Variants in ABCB5 observed in about 807,000 individuals in gnomAD.
ABCB5 encodes ATP-binding cassette sub-family B member 5.
Under a neutral mutation model 144.2 loss-of-function variants are expected in ABCB5, and 155 were observed. The observed-to-expected ratio is 1.08, with a 90% CI of 0.94 to 1.23. ABCB5 has a LOEUF of 1.23. Ranked by LOEUF, ABCB5 falls within the 50% of genes most tolerant of loss-of-function variation. The pLI, the probability that ABCB5 is intolerant of heterozygous loss-of-function variation, is 0.00. For missense variants in ABCB5, 1,830 were observed against 1,520.8 expected (o/e 1.20, Z -3.38); for synonymous variants, 610 against 528.6 (o/e 1.15, Z -2.11).
intron 16 of ABCB5, among the ~76,000 whole-genome samples, chr7:20,690,884 A>G (rs1786198074): frequency 6.6e-6 from 1 of 152,180 alleles, no homozygotes; most frequent in Non-Finnish European, 1.5e-5. Context: ...GGAAGAGATC[A>G]TTTTTGTTAA....
intron 13 of ABCB5, among the ~76,000 whole-genome samples, chr7:20,654,452 T>C (rs931751050): frequency 6.6e-6 from 1 of 151,954 alleles, no homozygotes; most frequent in Non-Finnish European, 1.5e-5. Flanking sequence ...AACAAGCAGG[T>C]GGAATATCAG....
chr7:20,622,056 T>C (rs73684571), intron 1 of ABCB5, among the ~76,000 whole-genome samples: 7,803 of 152,214 alleles, frequency 0.051, 581 homozygotes, highest in African/African-American at 0.16. Flanking sequence ...AGTTACAGCA[T>C]GATCAGAAGA....
chr7:20,676,612 G>T (rs1785621545), intron 14 of ABCB5, among the ~76,000 whole-genome samples: 1 of 152,160 alleles, frequency 6.6e-6, no homozygotes, highest in African/African-American at 2.4e-5. Flanking sequence ...ACAGGGAATT[G>T]CTGTTCAGTG....
intron 12 of ABCB5, among the ~76,000 whole-genome samples, chr7:20,650,398 T>C (rs560145758): frequency 2.6e-5 from 4 of 152,326 alleles, no homozygotes; most frequent in Non-Finnish European, 5.9e-5. Context: ...AAGTTTACAT[T>C]CTAATAATCA....
chr7:20,725,674 G>A (rs1264081596), intron 21 of ABCB5, among the ~76,000 whole-genome samples: 1 of 152,090 alleles, frequency 6.6e-6, no homozygotes, highest in Non-Finnish European at 1.5e-5. Context: ...TCTCCATTGT[G>A]AAAAATTGGA....
chr7:20,648,163 G>T (rs1784470615), intron 11 of ABCB5, 85 bp downstream of exon 11: 5 of 853,440 alleles, frequency 5.9e-6, no homozygotes, highest in Non-Finnish European at 9.2e-6. Context: ...GATTACTTAG[G>T]ATCACTTTTT....
rs545309217 is a variant in ABCB5 at position 20,650,158 on chromosome 7, C to G, written c.1332+11C>G. 31 of 1,613,078 alleles carry G rather than the reference C, an allele frequency of 1.9e-5. No homozygotes were observed. The African/African-American group carries it at 3.3e-4, about 17-fold the overall frequency. On this transcript the variant is annotated intron_variant, in intron 12 of 27. Transcript: ENST00000404938. ...CCGGATGATGGCTTTGTAAGTGCAG[C>G]TAGCAAAACCATGCACAGTCCACCT...
chr7:20,653,902 A>C (rs990756567), intron 13 of ABCB5, among the ~76,000 whole-genome samples: 1 of 152,212 alleles, frequency 6.6e-6, no homozygotes, highest in African/African-American at 2.4e-5. Context: ...GAGAGATCAC[A>C]TTAACACCTT....
At position 20,706,451 on chromosome 7, in the gene ABCB5, C is replaced by T. The variant is rs187097629; in HGVS notation, c.2421+1644C>T. 2.0e-5 allele frequency among the ~76,000 whole-genome samples: 3 copies of T among 152,328 alleles called. No homozygotes were observed. The East Asian group carries it at 5.8e-4, about 29-fold the overall frequency. ...AATTATACTGAAAGACCCAACATTACTGTCCTTACATTTATTAATTGTTAC... is the reference window on the plus strand; with the variant it reads ...AATTATACTGAAAGACCCAACATTATTGTCCTTACATTTATTAATTGTTAC... On this transcript the variant is annotated intron_variant, in intron 20 of 27. Coordinates refer to ENST00000404938, the MANE Select transcript of ABCB5 (RefSeq NM_001163941.2).
At chr7:20,704,843 A>G in intron 20 of ABCB5, 36 bp downstream of exon 20, 1 of 1,545,434 alleles carries the variant, frequency 6.5e-7, no homozygotes, top group Non-Finnish European at 8.9e-7. Flanking sequence ...TGATGTATGT[A>G]TGTGGTGTGC....
At chr7:20,663,581 G>A (rs1785073603) in intron 14 of ABCB5, among the ~76,000 whole-genome samples, 1 of 152,158 alleles carries the variant, frequency 6.6e-6, no homozygotes, top group African/African-American at 2.4e-5. Flanking sequence ...TAGGGGCTTG[G>A]GGGATGGGAA....
chr7:20,658,807 T>C, intron 14 of ABCB5, 131 bp downstream of exon 14: 11 of 1,153,902 alleles, frequency 9.5e-6, no homozygotes, highest in Non-Finnish European at 1.2e-5. Context: ...AGGATGTTAA[T>C]CCACTGAGAA....
At position 20,628,848 on chromosome 7, in the gene ABCB5, C is replaced by A; in HGVS notation, c.259+10C>A. On this transcript the variant is annotated intron_variant, in intron 4 of 27. Coordinates refer to ENST00000404938, the MANE Select transcript of ABCB5 (RefSeq NM_001163941.2). ...GTCCAAACTAACACAAGTGAGTATACGATTATTTTTCTGTATCACTTAAGA... is the reference window on the plus strand; with the variant it reads ...GTCCAAACTAACACAAGTGAGTATAAGATTATTTTTCTGTATCACTTAAGA... 2.5e-6 allele frequency: 4 copies of A among 1,612,208 alleles called. No individual in the cohort carries two copies. The highest frequency in any genetic ancestry group is 1.1e-5 in the South Asian group (1 of 90,894).
At position 20,739,089 on chromosome 7, in the gene ABCB5, T is replaced by C. The variant is rs967796702; in HGVS notation, c.2974T>C (p.Leu992=). Residue 992 remains leucine, a synonymous_variant, in exon 24 of 28, where the codon TTG becomes CTG. Coordinates refer to ENST00000404938, the MANE Select transcript of ABCB5 (RefSeq NM_001163941.2). The stretch of plus-strand genomic sequence containing the variant: ...GGGGGCTGCGCATCTGTTTGCCTTG[T>C]TGGAAAAGAAACCAAATATAGACAG... ...KSGAAHLFAL[L]EKKPNIDSRS... is the part of the protein sequence containing the mutation. 4 of 1,610,424 alleles carry C rather than the reference T, an allele frequency of 2.5e-6. No homozygotes were observed. The highest frequency in any genetic ancestry group is 1.1e-5 in the South Asian group (1 of 90,330).
intron 27 of ABCB5, among the ~76,000 whole-genome samples, chr7:20,754,336 T>C (rs1583472500): frequency 3.3e-5 from 5 of 152,338 alleles, no homozygotes; most frequent in African/African-American, 7.2e-5. Context: ...CAACAATGTG[T>C]TATGAAAAAT....
At chr7:20,725,845 G>A (rs1260332201) in intron 21 of ABCB5, among the ~76,000 whole-genome samples, 1 of 151,888 alleles carries the variant, frequency 6.6e-6, no homozygotes, top group Non-Finnish European at 1.5e-5. Context: ...GTTTCTTTAA[G>A]TCCATTTTTA....
intron 20 of ABCB5, among the ~76,000 whole-genome samples, chr7:20,712,358 C>A (rs545400307): frequency 6.7e-6 from 1 of 148,772 alleles, no homozygotes; most frequent in African/African-American, 2.5e-5. Context: ...TAGCTTCCTA[C>A]TTGTTTCTTA....
At chr7:20,626,949 T>C (rs1783922999) in intron 3 of ABCB5, among the ~76,000 whole-genome samples, 1 of 152,130 alleles carries the variant, frequency 6.6e-6, no homozygotes, top group Non-Finnish European at 1.5e-5. Flanking sequence ...TATCAGTGAC[T>C]TTTACTATCT....
At chr7:20,689,181 G>A (rs1052781588) in intron 16 of ABCB5, among the ~76,000 whole-genome samples, 6 of 152,114 alleles carry the variant, frequency 3.9e-5, no homozygotes, top group African/African-American at 1.4e-4. Flanking sequence ...AGAAGTAGCA[G>A]ATAAAAGTAG....
Sources: allele counts gnomAD v4.1 joint callset (sites outside exome capture counted in the v4.1 genomes callset), GRCh38; gene constraint gnomAD v4.1.1; transcripts MANE v1.5; gene names NCBI Gene and HGNC (gene_info 2026-07-23, HGNC 2026-07-21).